ABCC3: variants seen among roughly 807,000 people sequenced by gnomAD.
ABCC3 encodes the protein ATP-binding cassette sub-family C member 3.
Under a neutral mutation model 165.3 loss-of-function variants are expected in ABCC3, and 121 were observed. That is an observed-to-expected ratio of 0.73 (90% CI 0.63 to 0.85). The LOEUF (loss-of-function observed/expected upper bound fraction) is 0.85. ABCC3 is among the 40% of genes least tolerant of loss of function. ABCC3 has a pLI of 0.00. For missense variants in ABCC3, 1,869 were observed against 1,964.1 expected (o/e 0.95, Z 0.92); for synonymous variants, 733 against 810.1 (o/e 0.90, Z 1.62).
intron 1 of ABCC3, chr17:50,635,243 A>G: frequency 1.6e-6 from 1 of 627,202 alleles, no homozygotes; most frequent in Non-Finnish European, 2.8e-6. Flanking sequence ...AGTGAGGAAG[A>G]GTGCGCGGCT....
chr17:50,684,617 A>G (rs1283343617), intron 28 of ABCC3, 92 bp from the exon 29 acceptor site: 4 of 1,366,450 alleles, frequency 2.9e-6, no homozygotes, highest in Non-Finnish European at 4.0e-6. Flanking sequence ...GAATGCTGCC[A>G]CCTTAATCCC....
chr17:50,684,195 G>C, intron 28 of ABCC3, 88 bp downstream of exon 28: 2 of 1,507,614 alleles, frequency 1.3e-6, no homozygotes, highest in South Asian at 2.5e-5. Context: ...TGGAGACTGG[G>C]ACCCCAGTCT....
chr17:50,673,904 C>CTTTCTTTCTTTCTT (rs1366154596), intron 19 of ABCC3, among the ~76,000 whole-genome samples: 22 of 9,650 alleles, frequency 2.3e-3, no homozygotes, highest in African/African-American at 0.011. Context: ...AGCCTGTTTT[C>CTTTCTTTCTTTCTT]TTTCTTTCTT....
intron 26 of ABCC3, among the ~76,000 whole-genome samples, chr17:50,681,231 C>T (rs1967922741): frequency 6.6e-6 from 1 of 152,212 alleles, no homozygotes; most frequent in Non-Finnish European, 1.5e-5. Context: ...AACCCCACAT[C>T]TCCCTCCTGC....
intron 22 of ABCC3, 82 bp from the exon 23 acceptor site, chr17:50,676,196 G>A: frequency 6.3e-7 from 1 of 1,587,220 alleles, no homozygotes; most frequent in Non-Finnish European, 8.6e-7. Context: ...AACCCACTCT[G>A]GTCAACCCGT....
chr17:50,659,444 T>C (rs1194977527), intron 7 of ABCC3, 76 bp downstream of exon 7: 3 of 1,509,284 alleles, frequency 2.0e-6, no homozygotes, highest in Non-Finnish European at 2.7e-6. Context: ...CTGGTAGACC[T>C]TGGAGGGCGG....
chr17:50,667,756 T>G lies in ABCC3; in HGVS notation c.1634T>G (p.Leu545Arg). Reference protein sequence around the residue: ...TTFTWMCSPFLVTLITLWVYV... With the variant: ...TTFTWMCSPFRVTLITLWVYV... ...TTCACCTGGATGTGCAGCCCCTTCC[T>G]GGTGAGGCTTGGCACAGGGCTGGGT... Residue 545 changes from leucine (L) to arginine (R), a missense_variant and splice_region_variant, in exon 12 of 31, where the codon CTG (leucine) becomes CGG (arginine). Physicochemically the swap from Leu to Arg is moderately radical, Grantham distance 102. Transcript: ENST00000285238. 6.2e-7 allele frequency: 1 copy of G among 1,614,062 alleles called. No homozygotes were observed. The highest frequency in any genetic ancestry group is 8.5e-7 in the Non-Finnish European group (1 of 1,180,018).
rs1411915425 is a variant in ABCC3 at position 50,644,360 on chromosome 17, T to TTGGGG, written c.45+9380_45+9384dup. 6.1e-5 allele frequency among the ~76,000 whole-genome samples: 7 copies of TTGGGG among 115,192 alleles called. No individual in the cohort carries two copies. The East Asian group carries it at 1.8e-3, about 29-fold the overall frequency. The allele number at this position is 115,192 out of a possible 152,430, so 75.6% of individuals were successfully genotyped here. A position where few individuals can be genotyped will look rare whatever the true frequency, so the allele number is the denominator to read the frequency against. ...AAGAAGGGAAGGCAGGCTGGGGAGG[T>TTGGGG]TGGGGAAAGGAAGCAGGGAGTGCAG... On this transcript the variant is annotated intron_variant, in intron 1 of 30. Transcript: ENST00000285238.
intron 11 of ABCC3, among the ~76,000 whole-genome samples, chr17:50,666,215 T>C (rs1967524428): frequency 6.6e-6 from 1 of 152,148 alleles, no homozygotes; most frequent in African/African-American, 2.4e-5. Context: ...CTCATGCCTG[T>C]AATCCCAGAG....
intron 1 of ABCC3, among the ~76,000 whole-genome samples, chr17:50,645,960 C>G (rs1966995672): frequency 6.6e-6 from 1 of 152,030 alleles, no homozygotes; most frequent in Non-Finnish European, 1.5e-5. Flanking sequence ...ATTCTAAGTA[C>G]TTAGGATACA....
chr17:50,645,195 G>T (rs1035469234), intron 1 of ABCC3, among the ~76,000 whole-genome samples: 22 of 145,896 alleles, frequency 1.5e-4, no homozygotes, highest in Non-Finnish European at 2.2e-4. Flanking sequence ...AGCGAGACTT[G>T]GCCTTAAAAA....
At position 50,679,787 on chromosome 17, in the gene ABCC3, C is replaced by A; in HGVS notation, c.3706-11C>A. On this transcript the variant is annotated splice_polypyrimidine_tract_variant and intron_variant, in intron 25 of 30. Coordinates refer to ENST00000285238, the MANE Select transcript of ABCC3 (RefSeq NM_003786.4). ...AGATCGCCATACGTATAACCCAGTC[C>A]CTTTGGCCAGGTGACATTTGCTCTG... 1 of 1,613,202 alleles carries A rather than the reference C, an allele frequency of 6.2e-7. No homozygotes were observed. The highest frequency in any genetic ancestry group is 1.1e-5 in the South Asian group (1 of 91,046).
chr17:50,651,447 G>A (rs1252525346), intron 1 of ABCC3, among the ~76,000 whole-genome samples: 1 of 152,188 alleles, frequency 6.6e-6, no homozygotes, highest in Non-Finnish European at 1.5e-5. Context: ...TGGTGGCTGA[G>A]CGTGGTGGCT....
Position 50,683,643 on chromosome 17 carries a change from G to T in ABCC3, c.3841G>T (p.Glu1281Ter). ...PWVVEGSRPP[E>*]GWPPRGEVEF... Reference sequence around the variant, plus strand: ...GGTGGTGGAAGGCAGCCGCCCTCCCGAAGGTTGGCCCCCACGTGGGGAGGT... The same window carrying T: ...GGTGGTGGAAGGCAGCCGCCCTCCCTAAGGTTGGCCCCCACGTGGGGAGGT... The change falls in exon 27 of 31, where the codon GAA (glutamate) becomes TAA (stop). Residue 1281 changes from glutamate (E) to a stop codon, truncating the protein, a stop_gained. Transcript: ENST00000285238. LOFTEE classifies it high-confidence loss of function. 6.3e-7 allele frequency: 1 copy of T among 1,596,432 alleles called. No individual in the cohort carries two copies.
chr17:50,651,324 C>T (rs1967112238), intron 1 of ABCC3, among the ~76,000 whole-genome samples: 1 of 152,134 alleles, frequency 6.6e-6, no homozygotes, highest in Non-Finnish European at 1.5e-5. Flanking sequence ...ATTTGTATCC[C>T]TTTAGGTTTT....
In ABCC3 at chr17:50,634,886, C is replaced by G; in HGVS notation, c.-51C>G. ...AGGCGGCTCCGGCGCCCGCTCTGCC[C>G]GCCGCTGGGTCCGACCGCGCTCGCC... On this transcript the variant is annotated 5_prime_UTR_variant, in exon 1 of 31. Coordinates refer to ENST00000285238, the MANE Select transcript of ABCC3 (RefSeq NM_003786.4). 1.6e-6 allele frequency: 2 copies of G among 1,242,202 alleles called. No individual in the cohort carries two copies. The highest frequency in any genetic ancestry group is 2.0e-6 in the Non-Finnish European group (2 of 992,618). 76.9% of individuals were successfully genotyped at this position (1,242,202 alleles called of 1,614,324 possible). A position where few individuals can be genotyped will look rare whatever the true frequency, so the allele number is the denominator to read the frequency against.
rs763550328 is a variant in ABCC3, at chr17:50,658,104, GC to G, written c.510del (p.Phe171SerfsTer73). The G allele has an allele frequency of 1.9e-6, 3 of 1,614,114 alleles. No individual in the cohort carries two copies. In the South Asian group the frequency reaches 3.3e-5, roughly 18 times the overall value. On this transcript the variant is annotated frameshift_variant, in exon 5 of 31. Transcript: ENST00000285238. LOFTEE classifies it high-confidence loss of function. ...KAEGEISDPF[R>X]FTTFYIHFAL... is the part of the protein sequence containing the mutation. ...CAGGGTGAGATCTCAGACCCCTTCC[GC>G]TTCACCACCTTCTACATCCACTTTG... is the stretch of plus-strand genomic sequence containing the variant.
chr17:50,688,031 C>G (rs1968055434), intron 30 of ABCC3, among the ~76,000 whole-genome samples: 1 of 151,822 alleles, frequency 6.6e-6, no homozygotes, highest in Admixed American at 6.6e-5. Flanking sequence ...GCAGCCTCAG[C>G]CTCTCGAAGT....
At chr17:50,636,971 G>A (rs2054186409) in intron 1 of ABCC3, among the ~76,000 whole-genome samples, 1 of 152,206 alleles carries the variant, frequency 6.6e-6, no homozygotes, top group Non-Finnish European at 1.5e-5. Flanking sequence ...CCCCGGGGCT[G>A]TGGTTACAGG....
Sources: gnomAD v4.1 joint callset for allele counts (sites outside exome capture counted in the v4.1 genomes callset) on GRCh38, gnomAD v4.1.1 for gene constraint, MANE v1.5 for transcripts, NCBI Gene and HGNC (gene_info 2026-07-23, HGNC 2026-07-21) for gene names.